The following ARPP21 variants were observed in gnomAD, a reference collection of about 807,000 sequenced individuals.
ARPP21 encodes cAMP-regulated phosphoprotein 21.
ARPP21 carries 69 observed loss-of-function variants against 113.2 expected under a neutral mutation model. That is an observed-to-expected ratio of 0.61 (90% CI 0.50 to 0.74). ARPP21 has a LOEUF of 0.74. Ranked by LOEUF, ARPP21 falls within the 30% of genes least tolerant of loss-of-function variation. The pLI, the probability that ARPP21 is intolerant of heterozygous loss-of-function variation, is 0.00. For synonymous variants in ARPP21, 368 were observed against 375.5 expected (o/e 0.98, Z 0.23); for missense variants, 1,070 against 1,037.4 (o/e 1.03, Z -0.43).
intron 19 of ARPP21, among the ~76,000 whole-genome samples, chr3:35,778,810 C>A (rs1260816486): frequency 6.6e-6 from 1 of 152,052 alleles, no homozygotes; most frequent in South Asian, 2.1e-4. Context: ...ATAATGATAC[C>A]CACTTCACAA....
rs1237364874 is a variant in ARPP21, at chr3:35,741,816, T to G, written c.2011-2023T>G. On this transcript the variant is annotated intron_variant, in intron 18 of 20. Coordinates refer to ENST00000684406, the MANE Select transcript of ARPP21 (RefSeq NM_001385562.1). ...TACTGATCTTTTAAAAGATTGCTGTTAACCTGGCTTTCTTTCCATCCTCTC... is the reference window on the plus strand; with the variant it reads ...TACTGATCTTTTAAAAGATTGCTGTGAACCTGGCTTTCTTTCCATCCTCTC... 3.3e-5 allele frequency among the ~76,000 whole-genome samples: 5 copies of G among 152,168 alleles called. No homozygotes were observed. In the East Asian group the frequency reaches 9.7e-4, roughly 29 times the overall value.
chr3:35,742,000 G>A (rs138605415), intron 18 of ARPP21, among the ~76,000 whole-genome samples: 32 of 149,972 alleles, frequency 2.1e-4, no homozygotes, highest in African/African-American at 7.6e-4. Context: ...CTATGTCTGG[G>A]GAAAAGAAAA....
intron 9 of ARPP21, among the ~76,000 whole-genome samples, chr3:35,695,891 G>A (rs761261732): frequency 6.6e-6 from 1 of 151,550 alleles, no homozygotes; most frequent in African/African-American, 2.4e-5. Context: ...AAGAGAATAT[G>A]TACCAAAGGG....
chr3:35,673,105 A>G (rs73057202), intron 1 of ARPP21, among the ~76,000 whole-genome samples: 2 of 152,210 alleles, frequency 1.3e-5, no homozygotes, highest in Non-Finnish European at 2.9e-5. Context: ...AGAGAATGCT[A>G]TTAAGATGTT....
intron 9 of ARPP21, among the ~76,000 whole-genome samples, chr3:35,696,346 G>A (rs1335787156): frequency 5.3e-5 from 8 of 151,574 alleles, no homozygotes; most frequent in Non-Finnish European, 1.0e-4. Context: ...ATTAGTAAAG[G>A]AAGTCATCTT....
intron 19 of ARPP21, among the ~76,000 whole-genome samples, chr3:35,772,654 C>T (rs2096243157): frequency 6.6e-6 from 1 of 152,198 alleles, no homozygotes; most frequent in African/African-American, 2.4e-5. Context: ...TCAATCCCAA[C>T]ATGTTTTTCT....
At chr3:35,792,870 A>G (rs2096773659) in intron 20 of ARPP21, among the ~76,000 whole-genome samples, 1 of 152,184 alleles carries the variant, frequency 6.6e-6, no homozygotes, top group Admixed American at 6.5e-5. Flanking sequence ...ACAAATTCCC[A>G]TTCATTTTTG....
intron 19 of ARPP21, among the ~76,000 whole-genome samples, chr3:35,781,291 A>G (rs902475759): frequency 6.6e-6 from 1 of 152,204 alleles, no homozygotes; most frequent in African/African-American, 2.4e-5. Flanking sequence ...AGTTGAAGGG[A>G]AAAGTTAACG....
intron 19 of ARPP21, among the ~76,000 whole-genome samples, chr3:35,747,227 G>A (rs1490794144): frequency 6.6e-6 from 1 of 151,910 alleles, no homozygotes; most frequent in Non-Finnish European, 1.5e-5. Flanking sequence ...GGTGGCGGGT[G>A]CCTGTAATCC....
intron 19 of ARPP21, among the ~76,000 whole-genome samples, chr3:35,762,040 A>G (rs901312952): frequency 6.6e-6 from 1 of 151,676 alleles, no homozygotes; most frequent in Non-Finnish European, 1.5e-5. Flanking sequence ...TTCCAAACAC[A>G]TATCCCTCAA....
At position 35,756,725 on chromosome 3, in the gene ARPP21, T is replaced by A. The variant is rs112860822; in HGVS notation, c.2137+12760T>A. 2.6e-5 allele frequency among the ~76,000 whole-genome samples: 4 copies of A among 152,038 alleles called. 1 individual carries two copies. The South Asian group carries it at 8.3e-4, about 31-fold the overall frequency. ...ATTGTTTTGTTGTTGTTGTTGTTGT[T>A]GTAATAGGTCCAGCACAATTGCACC... On this transcript the variant is annotated intron_variant, in intron 19 of 20. Transcript: ENST00000684406.
At chr3:35,773,080 G>C (rs992031804) in intron 19 of ARPP21, among the ~76,000 whole-genome samples, 2 of 152,020 alleles carry the variant, frequency 1.3e-5, no homozygotes, top group African/African-American at 2.4e-5. Context: ...ACTCAAGCAG[G>C]GTCTTGAAAA....
chr3:35,700,229 T>G (rs1234033767), intron 9 of ARPP21, among the ~76,000 whole-genome samples: 1 of 151,772 alleles, frequency 6.6e-6, no homozygotes. Context: ...GTTAAATATA[T>G]TGCAGAAAGT....
chr3:35,744,023 T>A, intron 19 of ARPP21, 58 bp downstream of exon 19: 1 of 1,589,448 alleles, frequency 6.3e-7, no homozygotes, highest in Non-Finnish European at 8.6e-7. Context: ...CTGGTGAATC[T>A]TGTACTCTTT....
chr3:35,692,004 C>T lies in ARPP21; in HGVS notation c.686+999C>T, dbSNP rs899927456. ...AGATGAGGCGCTTTCTCAACTCAAG[C>T]ATCAGTCTGTGCTCAGCAGAGGTCG... On this transcript the variant is annotated intron_variant, in intron 9 of 20. Transcript: ENST00000684406. Among the ~76,000 whole-genome samples, 15 of 151,598 alleles carry T rather than the reference C, an allele frequency of 9.9e-5. No homozygotes were observed. The South Asian group carries it at 1.0e-3, about 10-fold the overall frequency.
Position 35,681,683 on chromosome 3 carries a change from G to A in ARPP21, c.-38-31G>A. 6 of 1,230,624 alleles carry A rather than the reference G, an allele frequency of 4.9e-6. No homozygotes were observed. In the South Asian group the frequency reaches 8.0e-5, roughly 16 times the overall value. 76.2% of individuals were successfully genotyped at this position (1,230,624 alleles called of 1,614,324 possible). ...AGAATGATAGTAAATACCTTGCACTGACTTTATTTTCTGATATCTTAACCT... is the reference window on the plus strand; with the variant it reads ...AGAATGATAGTAAATACCTTGCACTAACTTTATTTTCTGATATCTTAACCT... On this transcript the variant is annotated intron_variant, in intron 2 of 20. Transcript: ENST00000684406.
chr3:35,793,108 T>C (rs1269687081), intron 20 of ARPP21, among the ~76,000 whole-genome samples: 1 of 152,164 alleles, frequency 6.6e-6, no homozygotes, highest in Non-Finnish European at 1.5e-5. Context: ...TAATTAAATT[T>C]AACTGTACCA....
chr3:35,762,424 A>G (rs982209334), intron 19 of ARPP21, among the ~76,000 whole-genome samples: 1 of 152,098 alleles, frequency 6.6e-6, no homozygotes, highest in Admixed American at 6.6e-5. Context: ...AGCATTGCCT[A>G]TATATGCAGG....
rs2093108752 is a variant in ARPP21 at position 35,721,892 on chromosome 3, A to AT, written c.1225+59dup. 2.7e-6 allele frequency: 3 copies of AT among 1,112,174 alleles called. No individual in the cohort carries two copies. The African/African-American group carries it at 4.7e-5, about 17-fold the overall frequency. The allele number at this position is 1,112,174 out of a possible 1,614,324, so 68.9% of individuals were successfully genotyped here. ...GTATTTTTTGGATTCTACCCAAGCC[A>AT]TATGGTCACCATTCCCTCTGACTTT... On this transcript the variant is annotated intron_variant, in intron 14 of 20. Coordinates refer to ENST00000684406, the MANE Select transcript of ARPP21 (RefSeq NM_001385562.1).
Sources: allele counts gnomAD v4.1 joint callset (sites outside exome capture counted in the v4.1 genomes callset), GRCh38; gene constraint gnomAD v4.1.1; transcripts MANE v1.5; gene names NCBI Gene and HGNC (gene_info 2026-07-23, HGNC 2026-07-21).